The following EPDR1 variants were observed in gnomAD, a reference collection of about 807,000 sequenced individuals.
The protein encoded by EPDR1 is ependymin related 1.
In EPDR1, 27 loss-of-function variants were observed where a neutral mutation model predicts 23.7. The ratio of observed to expected loss-of-function variants is 1.14; its 90% CI spans 0.84 to 1.57. The LOEUF (loss-of-function observed/expected upper bound fraction) is 1.57, where lower values mean the gene tolerates loss of function less well. Ranked by LOEUF, EPDR1 falls within the 40% of genes most tolerant of loss-of-function variation. EPDR1 has a pLI of 0.00. For synonymous variants in EPDR1, 137 were observed against 118.2 expected, an observed-to-expected ratio of 1.16 and a Z score of -1.03; for missense variants, 349 against 290.4, an observed-to-expected ratio of 1.20 and a Z score of -1.47.
intron 1 of EPDR1, among the ~76,000 whole-genome samples, chr7:37,935,692 G>C (rs534320585): frequency 6.6e-5 from 10 of 151,670 alleles, no homozygotes; most frequent in Admixed American, 5.3e-4. Flanking sequence ...CCTGCTTCTA[G>C]TAGGGTAAAC....
intron 1 of EPDR1, among the ~76,000 whole-genome samples, chr7:37,924,582 C>T (rs1785779654): frequency 6.6e-6 from 1 of 152,180 alleles, no homozygotes; most frequent in African/African-American, 2.4e-5. Flanking sequence ...ATTTTTGTCC[C>T]TTTGCGGTGA....
chr7:37,931,245 G>T (rs1477214003), intron 1 of EPDR1, among the ~76,000 whole-genome samples: 2 of 152,178 alleles, frequency 1.3e-5, no homozygotes, highest in African/African-American at 4.8e-5. Flanking sequence ...CAGGTGCGGT[G>T]GCTCACGCTT....
intron 1 of EPDR1, among the ~76,000 whole-genome samples, chr7:37,941,393 T>C (rs1175084255): frequency 1.3e-5 from 2 of 152,252 alleles, no homozygotes; most frequent in Non-Finnish European, 2.9e-5. Flanking sequence ...AGTCACCATA[T>C]AACTTGGTGA....
chr7:37,950,288 G>A lies in EPDR1; in HGVS notation c.567G>A (p.Thr189=), dbSNP rs553553991. The change falls in exon 3 of 3, where the codon ACG becomes ACA. Residue 189 remains threonine (T), a synonymous_variant. Coordinates refer to ENST00000199448, the MANE Select transcript of EPDR1 (RefSeq NM_017549.5). ...TAAACTACAGTGTGATATTGTCTAC[G>A]CGGTTTTTTGACATCCAGCTGGGTA... The part of the protein sequence containing the change: ...FTINYSVILS[T]RFFDIQLGIK... 8 of 1,614,042 alleles carry A rather than the reference G, an allele frequency of 5.0e-6. No homozygotes were observed. The highest frequency in any genetic ancestry group is 2.2e-5 in the East Asian group (1 of 44,880).
intron 1 of EPDR1, among the ~76,000 whole-genome samples, chr7:37,942,368 T>C (rs369747537): frequency 1.3e-5 from 2 of 152,190 alleles, no homozygotes; most frequent in Non-Finnish European, 2.9e-5. Flanking sequence ...ATAAATATTG[T>C]GTGATTCCAC....
At chr7:37,948,223 A>G (rs1198314471) in intron 1 of EPDR1, among the ~76,000 whole-genome samples, 4 of 152,098 alleles carry the variant, frequency 2.6e-5, no homozygotes, top group Non-Finnish European at 5.9e-5. Context: ...ACAAAAGTTC[A>G]CAAACCAGCT....
At chr7:37,923,126 A>G (rs569771206) in intron 1 of EPDR1, among the ~76,000 whole-genome samples, 2 of 152,312 alleles carry the variant, frequency 1.3e-5, no homozygotes, top group South Asian at 4.1e-4. Flanking sequence ...AAACAGTGGA[A>G]TTTGTGATTA....
At chr7:37,938,880 T>G (rs919139775) in intron 1 of EPDR1, among the ~76,000 whole-genome samples, 3 of 152,208 alleles carry the variant, frequency 2.0e-5, no homozygotes, top group Non-Finnish European at 4.4e-5. Flanking sequence ...TTGTATAAGC[T>G]GAACTAATTG....
intron 1 of EPDR1, among the ~76,000 whole-genome samples, chr7:37,922,671 G>GGGGT (rs1785732166): frequency 6.6e-6 from 1 of 151,428 alleles, no homozygotes; most frequent in African/African-American, 2.4e-5. Flanking sequence ...AAGCTAGGGG[G>GGGGT]GGGTTCTGAC....
chr7:37,936,027 T>TATATATATACAC, intron 1 of EPDR1, among the ~76,000 whole-genome samples: 1 of 108,304 alleles, frequency 9.2e-6, no homozygotes, highest in African/African-American at 3.7e-5. Flanking sequence ...TATATATATA[T>TATATATATACAC]ATATATATAT....
chr7:37,929,143 T>C (rs141931237), intron 1 of EPDR1, among the ~76,000 whole-genome samples: 3 of 152,344 alleles, frequency 2.0e-5, no homozygotes, highest in Non-Finnish European at 4.4e-5. Context: ...CTGCATGACT[T>C]ACTCCCAAAT....
intron 1 of EPDR1, among the ~76,000 whole-genome samples, chr7:37,943,253 G>T (rs147226068): frequency 6.6e-6 from 1 of 152,238 alleles, no homozygotes; most frequent in South Asian, 2.1e-4. Flanking sequence ...CAGCGGGGGC[G>T]TTGGTGCCTC....
At chr7:37,921,574 T>C in intron 1 of EPDR1, 2 of 1,058,726 alleles carry the variant, frequency 1.9e-6, no homozygotes, top group Non-Finnish European at 2.4e-6. Flanking sequence ...GTCTAGGGCG[T>C]GTCTTCTGCG....
At chr7:37,926,255 A>G (rs1785806939) in intron 1 of EPDR1, among the ~76,000 whole-genome samples, 1 of 152,220 alleles carries the variant, frequency 6.6e-6, no homozygotes, top group South Asian at 2.1e-4. Context: ...CAATTATAAT[A>G]CAAAGAGCTT....
chr7:37,924,867 G>T (rs1323907916), intron 1 of EPDR1, among the ~76,000 whole-genome samples: 1 of 152,222 alleles, frequency 6.6e-6, no homozygotes, highest in Non-Finnish European at 1.5e-5. Context: ...TGGATGAGTT[G>T]TCTCTTCATA....
intron 1 of EPDR1, among the ~76,000 whole-genome samples, chr7:37,930,505 T>C (rs77254248): frequency 0.028 from 4,238 of 152,334 alleles, 206 homozygotes; most frequent in African/African-American, 0.096. Flanking sequence ...TGGCATGGAT[T>C]GTGTTTCCTG....
At chr7:37,939,651 G>A (rs1003344778) in intron 1 of EPDR1, among the ~76,000 whole-genome samples, 1 of 152,070 alleles carries the variant, frequency 6.6e-6, no homozygotes, top group Non-Finnish European at 1.5e-5. Flanking sequence ...TCCATGCATA[G>A]TTTTTTCATA....
At chr7:37,950,096 T>C in intron 2 of EPDR1, 104 bp from the exon 3 acceptor site, 1 of 840,464 alleles carries the variant, frequency 1.2e-6, no homozygotes. Context: ...TTAAAAATGG[T>C]AAAATGGTAA....
chr7:37,942,010 A>C (rs1490621695), intron 1 of EPDR1, among the ~76,000 whole-genome samples: 1 of 152,166 alleles, frequency 6.6e-6, no homozygotes, highest in Admixed American at 6.5e-5. Flanking sequence ...TTATAATAAA[A>C]ATTAGAAAAA....
Sources: allele counts gnomAD v4.1 joint callset (sites outside exome capture counted in the v4.1 genomes callset), GRCh38; gene constraint gnomAD v4.1.1; transcripts MANE v1.5; gene names NCBI Gene and HGNC (gene_info 2026-07-23, HGNC 2026-07-21).